The following CDC123 variants were observed in gnomAD, a reference collection of about 807,000 sequenced individuals.
CDC123 encodes the protein translation initiation factor eIF2 assembly protein.
CDC123 carries 37 observed loss-of-function variants against 54.4 expected under a neutral mutation model. That is an observed-to-expected ratio of 0.68 (90% confidence interval 0.52 to 0.89). The LOEUF is 0.89. Among genes scored for constraint, CDC123 ranks in the 40% least tolerant of loss-of-function variants. The probability of loss-of-function intolerance (pLI) is 0.00; values close to 1 mark genes in which losing one functional copy is unlikely to be tolerated. For synonymous variants in CDC123, 144 were observed against 136.8 expected, an observed-to-expected ratio of 1.05 and a Z score of -0.37; for missense variants, 361 against 412.1, an observed-to-expected ratio of 0.88 and a Z score of 1.07.
intron 2 of CDC123, among the ~76,000 whole-genome samples, chr10:12,202,455 G>A (rs1365635269): frequency 6.6e-6 from 1 of 152,048 alleles, no homozygotes; most frequent in South Asian, 2.1e-4. Flanking sequence ...AGAAGCAATC[G>A]GTTCTGCAGC....
chr10:12,243,386 G>GAA (rs5783245), intron 10 of CDC123, among the ~76,000 whole-genome samples: 2 of 143,764 alleles, frequency 1.4e-5, no homozygotes, highest in Admixed American at 6.9e-5. Flanking sequence ...CAACAAGAGT[G>GAA]AAAAAAAAAA....
intron 6 of CDC123, among the ~76,000 whole-genome samples, chr10:12,220,403 G>C (rs1018159116): frequency 6.6e-6 from 1 of 152,208 alleles, no homozygotes; most frequent in African/African-American, 2.4e-5. Context: ...AGTTAAATCA[G>C]CAAGTGAGTT....
At chr10:12,227,728 C>T (rs941634665) in intron 6 of CDC123, among the ~76,000 whole-genome samples, 1 of 152,032 alleles carries the variant, frequency 6.6e-6, no homozygotes, top group Non-Finnish European at 1.5e-5. Context: ...AAACTCCTGA[C>T]CTCGTGATCC....
At chr10:12,242,770 C>G (rs575077991) in intron 10 of CDC123, among the ~76,000 whole-genome samples, 26 of 151,846 alleles carry the variant, frequency 1.7e-4, no homozygotes, top group Non-Finnish European at 3.7e-4. Context: ...GGTGAAACCC[C>G]GTCTCTACTA....
intron 7 of CDC123, among the ~76,000 whole-genome samples, chr10:12,234,127 C>T (rs1184945480): frequency 6.6e-6 from 1 of 152,088 alleles, no homozygotes; most frequent in Non-Finnish European, 1.5e-5. Context: ...GAGTTTTGCT[C>T]TGTCGCCCAG....
intron 7 of CDC123, among the ~76,000 whole-genome samples, chr10:12,234,073 TTATTTTATTTTACTA>T (rs1459999690): frequency 1.3e-5 from 2 of 152,020 alleles, no homozygotes; most frequent in African/African-American, 4.8e-5. Flanking sequence ...TAGAATTATA[TTATTTTATTTTACTA>T]TATTTTATTT....
Position 12,231,005 on chromosome 10 carries a change from C to T in CDC123, c.489+9C>T, listed in dbSNP as rs1443964256. The T allele has an allele frequency of 6.3e-7, 1 of 1,595,066 alleles. No individual in the cohort carries two copies. The highest frequency in any genetic ancestry group is 8.6e-7 in the Non-Finnish European group (1 of 1,167,580). On this transcript the variant is annotated intron_variant, in intron 7 of 12. Coordinates refer to ENST00000281141, the MANE Select transcript of CDC123 (RefSeq NM_006023.3). Reference sequence around the variant, plus strand: ...CATGTATAGAATATGAGGTAAGAAGCTTATTTTCTTTGATAATTGTAGATG... The same window carrying T: ...CATGTATAGAATATGAGGTAAGAAGTTTATTTTCTTTGATAATTGTAGATG...
In CDC123 at chr10:12,232,090, G is replaced by A. The variant is rs533741052; in HGVS notation, c.489+1094G>A. Among the ~76,000 whole-genome samples, 3 of 151,932 alleles carry A rather than the reference G, an allele frequency of 2.0e-5. No individual in the cohort carries two copies. In the South Asian group the frequency reaches 6.2e-4, roughly 32 times the overall value. ...TCGAACTCCTGACCTCAAGTGAAAC[G>A]CCTGCCTCAGCCTCCCAAAATGCTG... is the stretch of plus-strand genomic sequence containing the variant. On this transcript the variant is annotated intron_variant, in intron 7 of 12. Transcript: ENST00000281141.
rs377489031 is a variant in CDC123 at position 12,238,438 on chromosome 10, C to T, written c.689-19C>T. ...GAAATATTAGTTCATTAATAACTGA[C>T]TTTTTTTCTCCTTTACAGTTGTGTT... On this transcript the variant is annotated intron_variant, in intron 9 of 12. Coordinates refer to ENST00000281141, the MANE Select transcript of CDC123 (RefSeq NM_006023.3). 37 of 1,596,610 alleles carry T rather than the reference C, an allele frequency of 2.3e-5. No individual in the cohort carries two copies. The highest frequency in any genetic ancestry group is 2.2e-4 in the Admixed American group (12 of 54,874).
chr10:12,224,704 C>T lies in CDC123; in HGVS notation c.441-6244C>T, dbSNP rs7923397. 2.7e-3 allele frequency among the ~76,000 whole-genome samples: 413 copies of T among 152,264 alleles called. 5 individuals are homozygous for T. The East Asian group carries it at 0.057, about 21-fold the overall frequency. On this transcript the variant is annotated intron_variant, in intron 6 of 12. Transcript: ENST00000281141. ...TCTTTTGGTACTTTGTTGAAAATTT[C>T]AGTTGAAGAAATCTTCCAAATTAAT...
In CDC123 at chr10:12,215,723, T is replaced by C; in HGVS notation, c.238-17T>C. Reference sequence around the variant, plus strand: ...TGATGATATTGACGTGCCCAATGATTTCTTCTCTCTCTGTAGGCACCAGAA... The same window carrying C: ...TGATGATATTGACGTGCCCAATGATCTCTTCTCTCTCTGTAGGCACCAGAA... On this transcript the variant is annotated splice_polypyrimidine_tract_variant and intron_variant, in intron 4 of 12. Coordinates refer to ENST00000281141, the MANE Select transcript of CDC123 (RefSeq NM_006023.3). The C allele has an allele frequency of 2.0e-6, 3 of 1,531,964 alleles. No individual in the cohort carries two copies. The highest frequency in any genetic ancestry group is 2.7e-6 in the Non-Finnish European group (3 of 1,112,580). 94.9% of individuals were successfully genotyped at this position (1,531,964 alleles called of 1,614,324 possible). A position where few individuals can be genotyped will look rare whatever the true frequency, so the allele number is the denominator to read the frequency against.
chr10:12,232,741 G>A (rs945015848), intron 7 of CDC123, among the ~76,000 whole-genome samples: 1 of 151,964 alleles, frequency 6.6e-6, no homozygotes, highest in African/African-American at 2.4e-5. Flanking sequence ...GTACCTGGCT[G>A]TGGTGCTTTC....
chr10:12,200,143 TAA>T (rs1394203357), intron 2 of CDC123, among the ~76,000 whole-genome samples: 5 of 136,860 alleles, frequency 3.7e-5, no homozygotes, highest in Admixed American at 1.5e-4. Context: ...TTTTTTTTTT[TAA>T]AGATGGAGTC....
intron 6 of CDC123, among the ~76,000 whole-genome samples, chr10:12,226,025 C>T (rs547893240): frequency 2.0e-5 from 3 of 152,112 alleles, no homozygotes; most frequent in African/African-American, 7.2e-5. Flanking sequence ...CGCCCTTAAT[C>T]CATTTAACCC....
intron 4 of CDC123, among the ~76,000 whole-genome samples, chr10:12,210,786 C>T (rs1042780828): frequency 6.6e-6 from 1 of 152,102 alleles, no homozygotes; most frequent in Admixed American, 6.6e-5. Context: ...CTGCAACCTC[C>T]GCCTCCCAGG....
At chr10:12,234,695 C>T (rs958397307) in intron 7 of CDC123, among the ~76,000 whole-genome samples, 5 of 151,340 alleles carry the variant, frequency 3.3e-5, no homozygotes, top group Non-Finnish European at 7.4e-5. Flanking sequence ...CACAATTTTC[C>T]TGTGGTTATC....
intron 5 of CDC123, among the ~76,000 whole-genome samples, chr10:12,216,591 A>AC (rs2131741158): frequency 6.6e-6 from 1 of 152,226 alleles, no homozygotes; most frequent in South Asian, 2.1e-4. Flanking sequence ...ATTTTACTTC[A>AC]CCATTTCCTA....
chr10:12,232,845 G>T (rs750488596), intron 7 of CDC123, among the ~76,000 whole-genome samples: 2 of 150,638 alleles, frequency 1.3e-5, no homozygotes, highest in African/African-American at 4.9e-5. Flanking sequence ...GTGCAGTGGC[G>T]CCATCTCCGG....
intron 6 of CDC123, among the ~76,000 whole-genome samples, chr10:12,225,750 T>C (rs1367445045): frequency 5.4e-5 from 4 of 73,678 alleles, no homozygotes; most frequent in African/African-American, 1.6e-4. Context: ...TTCTCTCTTT[T>C]TTTTTTTTTT....
Sources: gnomAD v4.1 joint callset for allele counts (sites outside exome capture counted in the v4.1 genomes callset) on GRCh38, gnomAD v4.1.1 for gene constraint, MANE v1.5 for transcripts, NCBI Gene and HGNC (gene_info 2026-07-23, HGNC 2026-07-21) for gene names.